The following LEKR1 variants were observed in gnomAD, a reference collection of about 807,000 sequenced individuals.
LEKR1 encodes the protein leucine, glutamate and lysine rich 1, also known as protein LEKR1.
A neutral mutation model predicts 72.4 loss-of-function variants in LEKR1; 59 were observed. The ratio of observed to expected loss-of-function variants is 0.82; its 90% CI spans 0.66 to 1.01. The LOEUF is 1.01. LEKR1 is among the 50% of genes least tolerant of loss of function. LEKR1 has a pLI of 0.00. For synonymous variants in LEKR1, 257 were observed against 263.2 expected (o/e 0.98, Z 0.23); for missense variants, 728 against 759.2 (o/e 0.96, Z 0.48).
chr3:157,010,563 G>T (rs1347145930), intron 9 of LEKR1, among the ~76,000 whole-genome samples: 2 of 152,034 alleles, frequency 1.3e-5, no homozygotes, highest in Non-Finnish European at 2.9e-5. Flanking sequence ...AAGGAAGAGA[G>T]TGATGATGAA....
intron 3 of LEKR1, among the ~76,000 whole-genome samples, chr3:156,883,155 TAATA>T (rs1719648468): frequency 6.9e-6 from 1 of 144,666 alleles, no homozygotes; most frequent in Admixed American, 6.7e-5. Context: ...AGTATAATAA[TAATA>T]AAGAACGAAA....
chr3:157,040,845 A>C (rs1735291831), intron 12 of LEKR1, among the ~76,000 whole-genome samples: 1 of 152,202 alleles, frequency 6.6e-6, no homozygotes, highest in African/African-American at 2.4e-5. Flanking sequence ...AAATTGTGCC[A>C]AATACAGCTG....
chr3:156,915,842 A>G (rs770640702), intron 3 of LEKR1, among the ~76,000 whole-genome samples: 6 of 152,118 alleles, frequency 3.9e-5, no homozygotes, highest in Non-Finnish European at 8.8e-5. Context: ...ACCTATTCCT[A>G]TGTCCAGAAT....
chr3:156,999,305 G>A (rs1431567856), intron 9 of LEKR1, among the ~76,000 whole-genome samples: 2 of 152,178 alleles, frequency 1.3e-5, no homozygotes, highest in South Asian at 2.1e-4. Context: ...CAAGAGGTTT[G>A]TAGTCTCCTG....
intron 5 of LEKR1, among the ~76,000 whole-genome samples, chr3:156,939,251 A>G (rs1007034245): frequency 9.2e-5 from 14 of 152,178 alleles, no homozygotes; most frequent in African/African-American, 3.4e-4. Context: ...AGAAATCTGT[A>G]CACAGACACC....
chr3:156,846,326 C>A (rs1307918149), intron 2 of LEKR1, among the ~76,000 whole-genome samples: 1 of 152,026 alleles, frequency 6.6e-6, no homozygotes, highest in Non-Finnish European at 1.5e-5. Flanking sequence ...TGCATTGTTG[C>A]TCTGGCTAGA....
chr3:156,987,179 A>G (rs1021007682), intron 7 of LEKR1, among the ~76,000 whole-genome samples: 1 of 152,146 alleles, frequency 6.6e-6, no homozygotes, highest in Non-Finnish European at 1.5e-5. Context: ...TAAAAGAAGG[A>G]ATGCAATGCT....
intron 6 of LEKR1, among the ~76,000 whole-genome samples, chr3:156,944,692 A>G (rs1286296760): frequency 6.6e-6 from 1 of 151,712 alleles, no homozygotes; most frequent in Non-Finnish European, 1.5e-5. Flanking sequence ...TGGCTGGCTT[A>G]TTTCATTTAA....
intron 3 of LEKR1, among the ~76,000 whole-genome samples, chr3:156,887,493 A>G (rs1370738117): frequency 6.6e-6 from 1 of 152,174 alleles, no homozygotes; most frequent in Non-Finnish European, 1.5e-5. Flanking sequence ...CATAAATATT[A>G]TGAACTGTTA....
At chr3:156,948,013 C>T (rs1023882770) in intron 6 of LEKR1, among the ~76,000 whole-genome samples, 1 of 151,146 alleles carries the variant, frequency 6.6e-6, no homozygotes, top group Admixed American at 6.6e-5. Context: ...TCCACATAAA[C>T]TTTAAGATGA....
intron 9 of LEKR1, among the ~76,000 whole-genome samples, chr3:157,002,217 T>G (rs1287494883): frequency 6.6e-6 from 1 of 152,190 alleles, no homozygotes; most frequent in Admixed American, 6.6e-5. Context: ...TAGCTATACA[T>G]TTTCAGCTAC....
intron 6 of LEKR1, among the ~76,000 whole-genome samples, chr3:156,972,969 C>T (rs1729369605): frequency 6.6e-6 from 1 of 151,902 alleles, no homozygotes; most frequent in Non-Finnish European, 1.5e-5. Context: ...TGAAACCTAG[C>T]TACAAATAGA....
At chr3:156,902,644 C>T (rs1722146064) in intron 3 of LEKR1, among the ~76,000 whole-genome samples, 1 of 152,090 alleles carries the variant, frequency 6.6e-6, no homozygotes. Flanking sequence ...GCAAGGCCAG[C>T]TCCTTAAATG....
intron 3 of LEKR1, among the ~76,000 whole-genome samples, chr3:156,906,523 G>T (rs1722553622): frequency 6.6e-6 from 1 of 152,140 alleles, no homozygotes; most frequent in Admixed American, 6.6e-5. Context: ...TCAACATAGT[G>T]TTCACATTCT....
At chr3:156,919,087 A>G (rs1271014080) in intron 3 of LEKR1, among the ~76,000 whole-genome samples, 1 of 152,206 alleles carries the variant, frequency 6.6e-6, no homozygotes, top group East Asian at 1.9e-4. Flanking sequence ...GTGCATGGCC[A>G]CCGGCTTTCA....
intron 12 of LEKR1, among the ~76,000 whole-genome samples, chr3:157,039,392 G>A (rs1428048065): frequency 6.6e-6 from 1 of 152,192 alleles, no homozygotes; most frequent in Non-Finnish European, 1.5e-5. Flanking sequence ...GCTCAAGATG[G>A]GAGGATTGCT....
chr3:157,007,179 C>T (rs1732519419), intron 9 of LEKR1, among the ~76,000 whole-genome samples: 1 of 152,046 alleles, frequency 6.6e-6, no homozygotes, highest in African/African-American at 2.4e-5. Context: ...CCAGCCTGGG[C>T]CACAGAGCGA....
At chr3:156,922,024 T>G (rs1724244578) in intron 4 of LEKR1, among the ~76,000 whole-genome samples, 2 of 152,180 alleles carry the variant, frequency 1.3e-5, no homozygotes, top group Non-Finnish European at 2.9e-5. Flanking sequence ...TTTTTGCTCA[T>G]TTTTAGCTGA....
intron 3 of LEKR1, among the ~76,000 whole-genome samples, chr3:156,883,228 GC>G (rs57734774): frequency 1 from 152,292 of 152,300 alleles, 76,142 homozygotes; most frequent in Middle Eastern, 1. Flanking sequence ...GGGGCCTGTA[GC>G]CCCCTTTGTT....
Sources: allele counts gnomAD v4.1 joint callset (sites outside exome capture counted in the v4.1 genomes callset), GRCh38; gene constraint gnomAD v4.1.1; transcripts MANE v1.5; gene names NCBI Gene and HGNC (gene_info 2026-07-23, HGNC 2026-07-21).